The following EIF2B3 variants were observed in gnomAD, a reference collection of about 807,000 sequenced individuals.
EIF2B3 encodes eukaryotic translation initiation factor 2B subunit gamma.
In EIF2B3, 20 loss-of-function variants were observed where a neutral mutation model predicts 54.1. The ratio of observed to expected loss-of-function variants is 0.37; its 90% confidence interval spans 0.26 to 0.54. EIF2B3 has a LOEUF of 0.54. Among genes scored for constraint, EIF2B3 ranks in the 20% least tolerant of loss-of-function variants. EIF2B3 has a pLI of 0.86. For synonymous variants in EIF2B3, 153 were observed against 188.1 expected (o/e 0.81, Z 1.52); for missense variants, 448 against 547.8 (o/e 0.82, Z 1.82).
chr1:44,865,927 C>T (rs2148896912), intron 10 of EIF2B3, among the ~76,000 whole-genome samples: 1 of 152,092 alleles, frequency 6.6e-6, no homozygotes, highest in East Asian at 1.9e-4. Context: ...TCTCTATAAT[C>T]ATGTACAATA....
At chr1:44,969,195 C>A (rs1437700124) in intron 3 of EIF2B3, among the ~76,000 whole-genome samples, 1 of 152,094 alleles carries the variant, frequency 6.6e-6, no homozygotes, top group Non-Finnish European at 1.5e-5. Context: ...AAAATTCAAA[C>A]CTAAACCTAA....
intron 5 of EIF2B3, among the ~76,000 whole-genome samples, chr1:44,898,133 G>A (rs923195152): frequency 4.0e-5 from 6 of 151,858 alleles, no homozygotes; most frequent in Admixed American, 1.3e-4. Flanking sequence ...GCTTTCTTTT[G>A]CCTCCACAAT....
At chr1:44,924,141 C>A (rs980714326) in intron 5 of EIF2B3, among the ~76,000 whole-genome samples, 1 of 151,880 alleles carries the variant, frequency 6.6e-6, no homozygotes, top group Admixed American at 6.6e-5. Context: ...AGGGTTTCAC[C>A]GTGTTAGCCA....
intron 4 of EIF2B3, among the ~76,000 whole-genome samples, chr1:44,938,247 A>G (rs1247054276): frequency 6.6e-6 from 1 of 152,216 alleles, no homozygotes; most frequent in Non-Finnish European, 1.5e-5. Flanking sequence ...TATGATGGAA[A>G]TGCATAGCAT....
chr1:44,913,958 C>A (rs1333517410), intron 5 of EIF2B3, among the ~76,000 whole-genome samples: 2 of 150,380 alleles, frequency 1.3e-5, no homozygotes, highest in African/African-American at 4.9e-5. Context: ...TCCCAAGTAG[C>A]TGGGACTACA....
At chr1:44,982,564 C>CTGGG (rs1463798813) in intron 1 of EIF2B3, among the ~76,000 whole-genome samples, 1 of 152,110 alleles carries the variant, frequency 6.6e-6, no homozygotes, top group South Asian at 2.1e-4. Context: ...TCCCAAAGTG[C>CTGGG]TGGGATTACA....
chr1:44,867,073 T>C (rs1654807463), intron 10 of EIF2B3, among the ~76,000 whole-genome samples: 1 of 152,070 alleles, frequency 6.6e-6, no homozygotes, highest in Non-Finnish European at 1.5e-5. Flanking sequence ...TGATGAGAAG[T>C]AGTAATTTCT....
chr1:44,973,035 T>C (rs74572305), intron 3 of EIF2B3, among the ~76,000 whole-genome samples: 1,841 of 152,240 alleles, frequency 0.012, 40 homozygotes, highest in African/African-American at 0.042. Flanking sequence ...AACGAAATCC[T>C]GTCTCAAAAA....
intron 3 of EIF2B3, among the ~76,000 whole-genome samples, chr1:44,942,874 G>C (rs1404527264): frequency 6.6e-6 from 1 of 151,086 alleles, no homozygotes; most frequent in Non-Finnish European, 1.5e-5. Flanking sequence ...TTTATTTTTT[G>C]AGACAGAGTC....
intron 6 of EIF2B3, among the ~76,000 whole-genome samples, chr1:44,884,575 T>G (rs1655516687): frequency 6.6e-6 from 1 of 152,224 alleles, no homozygotes; most frequent in Non-Finnish European, 1.5e-5. Flanking sequence ...GTGATTTTTC[T>G]CCTGATCCTT....
At chr1:44,887,143 A>C (rs1569624512) in intron 6 of EIF2B3, among the ~76,000 whole-genome samples, 1 of 152,198 alleles carries the variant, frequency 6.6e-6, no homozygotes, top group Non-Finnish European at 1.5e-5. Context: ...GATCCAAACT[A>C]GGTTTGGAAG....
intron 10 of EIF2B3, among the ~76,000 whole-genome samples, chr1:44,871,195 C>A (rs1654954285): frequency 6.6e-6 from 1 of 152,172 alleles, no homozygotes; most frequent in Non-Finnish European, 1.5e-5. Context: ...TCCTTAATTT[C>A]TCTTTGACCT....
At chr1:44,943,339 A>G (rs1644058711) in intron 3 of EIF2B3, among the ~76,000 whole-genome samples, 1 of 149,606 alleles carries the variant, frequency 6.7e-6, no homozygotes, top group Non-Finnish European at 1.5e-5. Context: ...ACATATTTCA[A>G]TCTTCACAAC....
At chr1:44,944,167 T>TAGG (rs1007632427) in intron 3 of EIF2B3, among the ~76,000 whole-genome samples, 3 of 151,454 alleles carry the variant, frequency 2.0e-5, no homozygotes, top group African/African-American at 7.3e-5. Flanking sequence ...AAAAGAAACA[T>TAGG]AGTTTAGGGC....
At chr1:44,877,359 G>C (rs1039802193) in intron 8 of EIF2B3, among the ~76,000 whole-genome samples, 4 of 152,064 alleles carry the variant, frequency 2.6e-5, no homozygotes, top group African/African-American at 9.7e-5. Flanking sequence ...CTTCTAGATG[G>C]CCTTATTGTC....
intron 3 of EIF2B3, among the ~76,000 whole-genome samples, chr1:44,942,831 CATTA>C (rs1569799581): frequency 1.3e-5 from 2 of 151,688 alleles, no homozygotes; most frequent in African/African-American, 4.8e-5. Flanking sequence ...ACTTTGCAAA[CATTA>C]TTTATTTTAT....
intron 3 of EIF2B3, among the ~76,000 whole-genome samples, chr1:44,942,464 G>A (rs746775810): frequency 1.5e-3 from 142 of 95,644 alleles, no homozygotes; most frequent in Middle Eastern, 0.011. Context: ...GTCTTACTCT[G>A]TCACCTAGAC....
chr1:44,958,740 G>T (rs1644254160), intron 3 of EIF2B3: 1 of 1,574,976 alleles, frequency 6.3e-7, no homozygotes, highest in African/African-American at 1.3e-5. Flanking sequence ...GCTAGATATT[G>T]TCCGCACAGA....
chr1:44,960,443 T>C (rs1025726447), intron 3 of EIF2B3, among the ~76,000 whole-genome samples: 10 of 151,956 alleles, frequency 6.6e-5, no homozygotes, highest in African/African-American at 2.2e-4. Flanking sequence ...ATCGAGACCA[T>C]CCTGGCTAAC....
Sources: gnomAD v4.1 joint callset for allele counts (sites outside exome capture counted in the v4.1 genomes callset) on GRCh38, gnomAD v4.1.1 for gene constraint, MANE v1.5 for transcripts, NCBI Gene and HGNC (gene_info 2026-07-23, HGNC 2026-07-21) for gene names.